Variants in GULP1 observed in about 807,000 individuals in gnomAD.
GULP1 encodes GULP PTB domain containing engulfment adaptor 1.
GULP1 carries 19 observed loss-of-function variants against 40.9 expected under a neutral mutation model. That is an observed-to-expected ratio of 0.46 (90% CI 0.32 to 0.68). The LOEUF (loss-of-function observed/expected upper bound fraction) is 0.68. Ranked by LOEUF, GULP1 falls within the 30% of genes least tolerant of loss-of-function variation. The pLI, the probability that GULP1 is intolerant of heterozygous loss-of-function variation, is 0.03. For synonymous variants in GULP1, 119 were observed against 117.6 expected (o/e 1.01, Z -0.08); for missense variants, 312 against 362.2 (o/e 0.86, Z 1.12).
chr2:188,389,990 T>C (rs1559182890), intron 2 of GULP1, among the ~76,000 whole-genome samples: 1 of 151,732 alleles, frequency 6.6e-6, no homozygotes. Flanking sequence ...TAGCATTTCA[T>C]GGTGTACATA....
intron 2 of GULP1, among the ~76,000 whole-genome samples, chr2:188,391,471 C>G (rs1476834797): frequency 2.0e-5 from 3 of 152,024 alleles, no homozygotes; most frequent in African/African-American, 7.2e-5. Context: ...TAACCTGAGA[C>G]TTTACTGAAT....
At chr2:188,468,200 T>G (rs2060285434) in intron 2 of GULP1, among the ~76,000 whole-genome samples, 1 of 152,152 alleles carries the variant, frequency 6.6e-6, no homozygotes, top group Non-Finnish European at 1.5e-5. Flanking sequence ...ATTATTAGCT[T>G]GTTTACAGTG....
intron 9 of GULP1, among the ~76,000 whole-genome samples, chr2:188,572,564 C>G (rs961679314): frequency 3.9e-5 from 6 of 152,076 alleles, no homozygotes; most frequent in African/African-American, 1.5e-4. Context: ...ACTTTGCAAT[C>G]TACTTATAGT....
At chr2:188,412,856 G>A (rs1179885949) in intron 2 of GULP1, among the ~76,000 whole-genome samples, 1 of 152,080 alleles carries the variant, frequency 6.6e-6, no homozygotes, top group Non-Finnish European at 1.5e-5. Flanking sequence ...CCACTCTTTA[G>A]TGCCTGCTTT....
chr2:188,296,938 CTCTT>C (rs1484565618), intron 1 of GULP1, among the ~76,000 whole-genome samples: 11 of 151,488 alleles, frequency 7.3e-5, no homozygotes, highest in South Asian at 2.1e-4. Flanking sequence ...CGTTCTCTCT[CTCTT>C]TGTCTGTCTC....
At chr2:188,297,652 C>T (rs2035268669) in intron 1 of GULP1, 6 of 369,278 alleles carry the variant, frequency 1.6e-5, no homozygotes, top group South Asian at 1.2e-4. Flanking sequence ...CTTCAGTCTA[C>T]CCTCTTATAG....
At chr2:188,332,191 C>CTTTTTTT (rs11431434) in intron 1 of GULP1, among the ~76,000 whole-genome samples, 2 of 126,710 alleles carry the variant, frequency 1.6e-5, no homozygotes, top group African/African-American at 3.0e-5. Flanking sequence ...TTTCTTTATT[C>CTTTTTTT]TTTTTTTTTT....
intron 1 of GULP1, among the ~76,000 whole-genome samples, chr2:188,340,125 GATGAA>G (rs1352226838): frequency 6.6e-6 from 1 of 152,188 alleles, no homozygotes; most frequent in Non-Finnish European, 1.5e-5. Context: ...CTTACGAAAT[GATGAA>G]ATGAAAGTAA....
intron 11 of GULP1, chr2:188,591,297 T>G (rs948218943): frequency 1.2e-4 from 19 of 152,100 alleles, no homozygotes; most frequent in African/African-American, 4.3e-4. Context: ...GAAAGTGTGA[T>G]AAAACAAGCA....
At chr2:188,568,790 G>T (rs1698382707) in intron 7 of GULP1, among the ~76,000 whole-genome samples, 1 of 152,114 alleles carries the variant, frequency 6.6e-6, no homozygotes, top group Admixed American at 6.6e-5. Context: ...CAAGTTACCT[G>T]CTTAGGGTTT....
chr2:188,487,556 G>A (rs189794748), intron 4 of GULP1, among the ~76,000 whole-genome samples: 1 of 152,002 alleles, frequency 6.6e-6, no homozygotes, highest in East Asian at 1.9e-4. Flanking sequence ...AAGAATTTTG[G>A]AAGAAAAGTA....
At chr2:188,455,360 T>C (rs2059170469) in intron 2 of GULP1, among the ~76,000 whole-genome samples, 4 of 152,184 alleles carry the variant, frequency 2.6e-5, no homozygotes. Flanking sequence ...AATCTCATCT[T>C]GAGTTGTAAC....
intron 2 of GULP1, among the ~76,000 whole-genome samples, chr2:188,454,073 C>T (rs572635702): frequency 2.1e-4 from 32 of 152,298 alleles, no homozygotes; most frequent in African/African-American, 7.2e-4. Context: ...CCAGGCCTGC[C>T]GCTGGAGGTA....
At chr2:188,402,681 C>T (rs1369654501) in intron 2 of GULP1, among the ~76,000 whole-genome samples, 1 of 151,996 alleles carries the variant, frequency 6.6e-6, no homozygotes, top group Non-Finnish European at 1.5e-5. Context: ...GGAGTACAAA[C>T]TTGGCCTTCC....
chr2:188,585,668 T>A (rs981354248), intron 10 of GULP1, among the ~76,000 whole-genome samples: 2 of 152,154 alleles, frequency 1.3e-5, no homozygotes, highest in African/African-American at 4.8e-5. Flanking sequence ...ATGCAGGACA[T>A]CAAGTCCTGA....
At position 188,589,478 on chromosome 2, in the gene GULP1, T is replaced by C. The variant is rs1703072956; in HGVS notation, c.843+1529T>C. The stretch of plus-strand genomic sequence containing the variant: ...ACAAAGAAATATTTATGTGGTAGTA[T>C]TTATTCTCAAGGGTTGCACAGGTCA... On this transcript the variant is annotated intron_variant, in intron 11 of 11. Transcript: ENST00000409830. 4 of 275,632 alleles carry C rather than the reference T, an allele frequency of 1.5e-5. No homozygotes were observed. In the East Asian group the frequency reaches 2.4e-4, roughly 17 times the overall value. 17.1% of individuals were successfully genotyped at this position (275,632 alleles called of 1,614,324 possible).
At chr2:188,488,096 T>A (rs935332137) in intron 4 of GULP1, among the ~76,000 whole-genome samples, 2 of 152,022 alleles carry the variant, frequency 1.3e-5, no homozygotes, top group Non-Finnish European at 2.9e-5. Flanking sequence ...TGGACACTTA[T>A]GTTTCAAACT....
intron 2 of GULP1, among the ~76,000 whole-genome samples, chr2:188,403,119 A>G (rs775486407): frequency 5.3e-5 from 8 of 152,272 alleles, no homozygotes; most frequent in African/African-American, 1.7e-4. Flanking sequence ...TTATGAGACT[A>G]TCTGACATTC....
At chr2:188,369,547 C>T (rs568321991) in intron 1 of GULP1, among the ~76,000 whole-genome samples, 44 of 152,180 alleles carry the variant, frequency 2.9e-4, no homozygotes, top group African/African-American at 1.0e-3. Flanking sequence ...AGTAGATTCC[C>T]TCTCTGCCCC....
Sources: allele counts gnomAD v4.1 joint callset (sites outside exome capture counted in the v4.1 genomes callset), GRCh38; gene constraint gnomAD v4.1.1; transcripts MANE v1.5; gene names NCBI Gene and HGNC (gene_info 2026-07-23, HGNC 2026-07-21).